Variants in VEPH1 observed in about 807,000 individuals in gnomAD.
VEPH1 encodes ventricular zone expressed PH domain containing 1.
Under a neutral mutation model 85.2 loss-of-function variants are expected in VEPH1, and 80 were observed. The observed-to-expected ratio is 0.94, with a 90% CI of 0.78 to 1.13. VEPH1 has a LOEUF of 1.13. Among genes scored for constraint, VEPH1 ranks in the 50% most tolerant of loss-of-function variants. The pLI, the probability that VEPH1 is intolerant of heterozygous loss-of-function variation, is 0.00. For synonymous variants in VEPH1, 297 were observed against 348.0 expected (o/e 0.85, Z 1.63); for missense variants, 955 against 980.5 (o/e 0.97, Z 0.35).
chr3:157,427,603 C>T (rs1732849523), intron 5 of VEPH1, among the ~76,000 whole-genome samples: 2 of 152,040 alleles, frequency 1.3e-5, no homozygotes, highest in Admixed American at 6.6e-5. Flanking sequence ...CTACAGGTGC[C>T]TCCTCCATGC....
intron 7 of VEPH1, among the ~76,000 whole-genome samples, chr3:157,378,444 A>G (rs1025571576): frequency 1.3e-5 from 2 of 150,388 alleles, no homozygotes; most frequent in Admixed American, 1.3e-4. Context: ...CACAATTGAA[A>G]GGGGGTGCTT....
intron 6 of VEPH1, among the ~76,000 whole-genome samples, chr3:157,404,899 T>C (rs1731038071): frequency 6.6e-6 from 1 of 152,200 alleles, no homozygotes; most frequent in Non-Finnish European, 1.5e-5. Flanking sequence ...AACTGCTTCG[T>C]CCTCTTCAAC....
intron 6 of VEPH1, among the ~76,000 whole-genome samples, chr3:157,400,608 G>T (rs1377069783): frequency 6.6e-6 from 1 of 152,010 alleles, no homozygotes; most frequent in Non-Finnish European, 1.5e-5. Flanking sequence ...TGTCAAATAA[G>T]TTTTTTTCAA....
intron 6 of VEPH1, chr3:157,410,005 G>A (rs1365989604): frequency 1.1e-6 from 1 of 902,402 alleles, no homozygotes; most frequent in Admixed American, 6.2e-5. Context: ...GTCAGAGATT[G>A]TACATTACAA....
At position 157,364,291 on chromosome 3, in the gene VEPH1, A is replaced by AAT. The variant is rs1726384107; in HGVS notation, c.1337+11_1337+12insAT. The AAT allele has an allele frequency of 2.2e-6, 3 of 1,344,486 alleles. No homozygotes were observed. Among genetic ancestry groups the AAT allele is most frequent in the African/African-American group, 2.7e-5 (1 of 37,362 alleles). The allele number at this position is 1,344,486 out of a possible 1,614,324, so 83.3% of individuals were successfully genotyped here. ...AGTGTATGATTTAAAAAACAAACCA[A>AAT]ACGAGTTATACCTGTTAAATCTAAT... On this transcript the variant is annotated intron_variant, in intron 8 of 13. Transcript: ENST00000362010.
chr3:157,318,708 T>A (rs962109255), intron 9 of VEPH1, among the ~76,000 whole-genome samples: 3 of 151,764 alleles, frequency 2.0e-5, no homozygotes, highest in South Asian at 2.1e-4. Context: ...AGTGATCCAG[T>A]ATGCCCTACT....
At chr3:157,453,027 T>C (rs1735100099) in intron 4 of VEPH1, among the ~76,000 whole-genome samples, 1 of 152,160 alleles carries the variant, frequency 6.6e-6, no homozygotes, top group African/African-American at 2.4e-5. Flanking sequence ...GAAATAATGA[T>C]GGATTGGTTC....
chr3:157,481,067 T>G (rs548656013), intron 2 of VEPH1, among the ~76,000 whole-genome samples: 39 of 152,256 alleles, frequency 2.6e-4, no homozygotes, highest in Non-Finnish European at 4.7e-4. Flanking sequence ...TGAGCATTTT[T>G]TCATGTTTGT....
chr3:157,499,995 T>C (rs937542108), intron 1 of VEPH1, among the ~76,000 whole-genome samples: 5 of 152,302 alleles, frequency 3.3e-5, no homozygotes, highest in East Asian at 3.9e-4. Context: ...AGAGTAAAAT[T>C]GTTGAAAGTT....
chr3:157,450,938 A>T (rs1734922825), intron 4 of VEPH1, among the ~76,000 whole-genome samples: 1 of 152,150 alleles, frequency 6.6e-6, no homozygotes, highest in South Asian at 2.1e-4. Flanking sequence ...GTTAACTATT[A>T]TTTACTTTAA....
intron 3 of VEPH1, among the ~76,000 whole-genome samples, chr3:157,460,872 G>A (rs779319034): frequency 4.6e-5 from 7 of 152,036 alleles, no homozygotes; most frequent in Non-Finnish European, 1.0e-4. Flanking sequence ...GGGGAGAGAC[G>A]GGGCAGGTAA....
intron 7 of VEPH1, among the ~76,000 whole-genome samples, chr3:157,372,865 T>C (rs2108820249): frequency 6.6e-6 from 1 of 152,344 alleles, no homozygotes; most frequent in South Asian, 2.1e-4. Context: ...CTATAAAAGT[T>C]CTAACTTCTT....
At chr3:157,481,297 G>A (rs1279756679) in intron 2 of VEPH1, among the ~76,000 whole-genome samples, 1 of 151,610 alleles carries the variant, frequency 6.6e-6, no homozygotes, top group African/African-American at 2.4e-5. Context: ...AGAAGCTCAT[G>A]GATTGGAAGA....
chr3:157,393,083 C>T (rs1577548599), intron 6 of VEPH1, among the ~76,000 whole-genome samples: 1 of 152,254 alleles, frequency 6.6e-6, no homozygotes, highest in Non-Finnish European at 1.5e-5. Flanking sequence ...GTTCCTTAAC[C>T]AGACATTGTT....
intron 9 of VEPH1, among the ~76,000 whole-genome samples, chr3:157,342,369 T>A: frequency 1.3e-5 from 2 of 151,784 alleles, no homozygotes; most frequent in East Asian, 1.9e-4. Context: ...AAGGCAGGGG[T>A]TGCAATCCTA....
At chr3:157,303,923 T>C (rs1193820256) in intron 11 of VEPH1, among the ~76,000 whole-genome samples, 2 of 151,402 alleles carry the variant, frequency 1.3e-5, no homozygotes, top group African/African-American at 2.4e-5. Context: ...AGGAAGGTTC[T>C]CTTGAACATA....
rs1317039622 is a variant in VEPH1 at position 157,261,176 on chromosome 3, T to A, written c.2460A>T (p.Gln820His). The A allele has an allele frequency of 1.9e-6, 3 of 1,613,718 alleles. No homozygotes were observed. The African/African-American group carries it at 4.0e-5, about 22-fold the overall frequency. Residue 820 changes from glutamine to histidine, a missense_variant, in exon 14 of 14, where the codon CAA (glutamine) becomes CAT (histidine). Transcript: ENST00000362010. ...WLQCINVAVA[Q>H]AKERESREVT... is the part of the protein sequence containing the mutation. ...CTTCTCTACTTTCCCTTTCTTTGGC[T>A]TGGGCAACTGCCACGTTGATGCACT...
chr3:157,437,530 G>T, intron 4 of VEPH1: 1 of 1,605,952 alleles, frequency 6.2e-7, no homozygotes. Context: ...GTGCGCCTGC[G>T]GTCAGGAGCA....
At chr3:157,433,391 AG>A (rs1733313105) in intron 4 of VEPH1, among the ~76,000 whole-genome samples, 1 of 152,122 alleles carries the variant, frequency 6.6e-6, no homozygotes, top group Non-Finnish European at 1.5e-5. Context: ...TTTCAGTTTA[AG>A]TAAGTTCCTG....
Sources: gnomAD v4.1 joint callset for allele counts (sites outside exome capture counted in the v4.1 genomes callset) on GRCh38, gnomAD v4.1.1 for gene constraint, MANE v1.5 for transcripts, NCBI Gene and HGNC (gene_info 2026-07-23, HGNC 2026-07-21) for gene names.